The following ATF7IP2 variants were observed in gnomAD, a reference collection of about 807,000 sequenced individuals.
The protein encoded by ATF7IP2 is activating transcription factor 7-interacting protein 2.
In ATF7IP2, 42 loss-of-function variants were observed where a neutral mutation model predicts 64.2. The ratio of observed to expected loss-of-function variants is 0.65; its 90% CI spans 0.51 to 0.85. The LOEUF is 0.85. Ranked by LOEUF, ATF7IP2 falls within the 40% of genes least tolerant of loss-of-function variation. The pLI is 0.00. For missense variants in ATF7IP2, 933 were observed against 784.2 expected (o/e 1.19, Z -2.27); for synonymous variants, 308 against 272.8 (o/e 1.13, Z -1.27).
At chr16:10,444,220 G>A (rs1429675245) in intron 8 of ATF7IP2, among the ~76,000 whole-genome samples, 1 of 152,192 alleles carries the variant, frequency 6.6e-6, no homozygotes, top group East Asian at 1.9e-4. Flanking sequence ...GAAAGAGGGA[G>A]CAAATTAGAC....
chr16:10,476,534 C>G (rs2050015962), intron 12 of ATF7IP2, among the ~76,000 whole-genome samples: 1 of 151,966 alleles, frequency 6.6e-6, no homozygotes, highest in African/African-American at 2.4e-5. Context: ...GGTACATGTG[C>G]AGGATGTGCA....
chr16:10,466,798 CATAGACT>C (rs2049590447), intron 9 of ATF7IP2, among the ~76,000 whole-genome samples: 1 of 151,996 alleles, frequency 6.6e-6, no homozygotes, highest in African/African-American at 2.4e-5. Flanking sequence ...TAGTTTTTTT[CATAGACT>C]ATATGCTTTT....
At position 10,481,781 on chromosome 16, in the gene ATF7IP2, T is replaced by C. The variant is rs183198367; in HGVS notation, c.1636-55T>C. 1.5e-5 allele frequency: 20 copies of C among 1,376,848 alleles called. No homozygotes were observed. In the Admixed American group the frequency reaches 4.8e-4, roughly 33 times the overall value. The allele number at this position is 1,376,848 out of a possible 1,614,324, so 85.3% of individuals were successfully genotyped here. ...TTGAAGAATGAGAAATATATATTTC[T>C]ACAACTGCAATTGACCACTTTAAAA... On this transcript the variant is annotated intron_variant, in intron 13 of 13. Coordinates refer to ENST00000562102, the MANE Select transcript of ATF7IP2 (RefSeq NM_001393719.1).
rs541435733 is a variant in ATF7IP2, at chr16:10,457,221, C to T, written c.1195-151C>T. On this transcript the variant is annotated intron_variant, in intron 8 of 13. Transcript: ENST00000562102. Reference sequence around the variant, plus strand: ...TAAAAATTCATTTTGGCAGGCAAATCACAATCATGGTCATCAGCCATCGAA... The same window carrying T: ...TAAAAATTCATTTTGGCAGGCAAATTACAATCATGGTCATCAGCCATCGAA... 5.6e-5 allele frequency: 35 copies of T among 619,714 alleles called. No individual in the cohort carries two copies. The South Asian group carries it at 8.2e-4, about 15-fold the overall frequency. The allele number at this position is 619,714 out of a possible 1,614,324, so 38.4% of individuals were successfully genotyped here. A position where few individuals can be genotyped will look rare whatever the true frequency, so the allele number is the denominator to read the frequency against.
intron 12 of ATF7IP2, among the ~76,000 whole-genome samples, chr16:10,477,316 G>A (rs2050046770): frequency 1.3e-5 from 2 of 152,210 alleles, no homozygotes; most frequent in African/African-American, 2.4e-5. Flanking sequence ...AACCAGCCTT[G>A]CATCCCAGGG....
chr16:10,394,431 T>C (rs1209081954), intron 1 of ATF7IP2, among the ~76,000 whole-genome samples: 1 of 152,192 alleles, frequency 6.6e-6, no homozygotes, highest in African/African-American at 2.4e-5. Context: ...AGTTCAGTAA[T>C]AATTGGAGAA....
intron 8 of ATF7IP2, chr16:10,447,169 C>T (rs1297034377): frequency 1.3e-5 from 2 of 152,384 alleles, no homozygotes; most frequent in Non-Finnish European, 2.9e-5. Context: ...CTTTCAACCT[C>T]CAAGATACTC....
intron 1 of ATF7IP2, among the ~76,000 whole-genome samples, chr16:10,404,377 C>G (rs531957339): frequency 4.6e-5 from 7 of 152,106 alleles, no homozygotes; most frequent in African/African-American, 1.7e-4. Context: ...CTCAGCCTCC[C>G]GAGTAGCTGG....
chr16:10,437,266 A>G (rs987559213), intron 6 of ATF7IP2, among the ~76,000 whole-genome samples: 1 of 152,044 alleles, frequency 6.6e-6, no homozygotes, highest in African/African-American at 2.4e-5. Flanking sequence ...TGATCTGCCC[A>G]CCTCGGCCTC....
At chr16:10,418,492 G>A (rs576050364) in intron 2 of ATF7IP2, among the ~76,000 whole-genome samples, 21 of 152,314 alleles carry the variant, frequency 1.4e-4, no homozygotes, top group Admixed American at 5.9e-4. Context: ...TCTTGCAGGA[G>A]TCAGGATCCA....
At chr16:10,480,266 T>TA (rs2050175090) in intron 12 of ATF7IP2, among the ~76,000 whole-genome samples, 1 of 152,094 alleles carries the variant, frequency 6.6e-6, no homozygotes, top group South Asian at 2.1e-4. Context: ...TGTGAGCCAC[T>TA]ATGCACAGCC....
At chr16:10,462,351 C>G (rs994886429) in intron 9 of ATF7IP2, among the ~76,000 whole-genome samples, 1 of 151,826 alleles carries the variant, frequency 6.6e-6, no homozygotes, top group Non-Finnish European at 1.5e-5. Context: ...TTTTTTTCCA[C>G]AAGAAGATCT....
intron 8 of ATF7IP2, among the ~76,000 whole-genome samples, chr16:10,451,081 T>G (rs1277453798): frequency 2.6e-5 from 4 of 152,242 alleles, no homozygotes; most frequent in African/African-American, 9.6e-5. Flanking sequence ...TGAAGCTTAG[T>G]TTGGCTGGAT....
At chr16:10,437,912 T>A (rs2048476671) in intron 6 of ATF7IP2, among the ~76,000 whole-genome samples, 189 bp from the exon 7 acceptor site, 1 of 152,226 alleles carries the variant, frequency 6.6e-6, no homozygotes, top group African/African-American at 2.4e-5. Context: ...AAATATTGGA[T>A]GTGTTCTGAG....
chr16:10,411,994 TCA>T (rs1325936770), intron 1 of ATF7IP2, among the ~76,000 whole-genome samples: 3 of 147,314 alleles, frequency 2.0e-5, no homozygotes, highest in South Asian at 2.1e-4. Flanking sequence ...GCTTTTTGTT[TCA>T]TTTATCTTTT....
intron 1 of ATF7IP2, among the ~76,000 whole-genome samples, chr16:10,401,586 G>C (rs145986479): frequency 6.6e-6 from 1 of 152,110 alleles, no homozygotes; most frequent in African/African-American, 2.4e-5. Context: ...TCCTTGCTTG[G>C]TTTTGATATC....
chr16:10,396,741 T>A (rs1404743941), intron 1 of ATF7IP2, among the ~76,000 whole-genome samples: 1 of 151,992 alleles, frequency 6.6e-6, no homozygotes, highest in Non-Finnish European at 1.5e-5. Context: ...CTCCACCTCC[T>A]GGGCTCAGGT....
At chr16:10,402,864 A>C (rs1047120253) in intron 1 of ATF7IP2, among the ~76,000 whole-genome samples, 5 of 151,432 alleles carry the variant, frequency 3.3e-5, no homozygotes, top group Non-Finnish European at 7.4e-5. Flanking sequence ...GCTTGAGGTG[A>C]GGAGTTCAAG....
chr16:10,402,921 A>T (rs1197874719), intron 1 of ATF7IP2, among the ~76,000 whole-genome samples: 4 of 148,794 alleles, frequency 2.7e-5, no homozygotes. Context: ...AAAAAAAAAA[A>T]ATGTTGAGTC....
Sources: allele counts gnomAD v4.1 joint callset (sites outside exome capture counted in the v4.1 genomes callset), GRCh38; gene constraint gnomAD v4.1.1; transcripts MANE v1.5; gene names NCBI Gene and HGNC (gene_info 2026-07-23, HGNC 2026-07-21).